Variants in FOCAD observed in about 807,000 individuals in gnomAD.
FOCAD encodes the protein KIAA1797.
In FOCAD, 198 loss-of-function variants were observed where a neutral mutation model predicts 225.6. The ratio of observed to expected loss-of-function variants is 0.88; its 90% CI spans 0.78 to 0.99. The LOEUF is 0.99. Ranked by LOEUF, FOCAD falls within the 50% of genes least tolerant of loss-of-function variation. The pLI, the probability that FOCAD is intolerant of heterozygous loss-of-function variation, is 0.00. For missense variants in FOCAD, 2,713 were observed against 2,123.6 expected (o/e 1.28, Z -5.46); for synonymous variants, 897 against 755.0 (o/e 1.19, Z -3.08).
chr9:20,784,045 A>G (rs1362985540), intron 10 of FOCAD, among the ~76,000 whole-genome samples: 1 of 152,210 alleles, frequency 6.6e-6, no homozygotes, highest in Non-Finnish European at 1.5e-5. Context: ...GAAGGAACTA[A>G]AAAGTCTCCC....
At chr9:20,830,404 G>A (rs985648543) in intron 15 of FOCAD, among the ~76,000 whole-genome samples, 1 of 151,884 alleles carries the variant, frequency 6.6e-6, no homozygotes, top group Non-Finnish European at 1.5e-5. Context: ...AAGATGTTAG[G>A]TTTTTAAAGC....
At chr9:20,947,601 A>G (rs1837300956) in intron 30 of FOCAD, among the ~76,000 whole-genome samples, 1 of 152,126 alleles carries the variant, frequency 6.6e-6, no homozygotes, top group Non-Finnish European at 1.5e-5. Context: ...GTATGAGTGT[A>G]CTTAATGCCG....
At chr9:20,904,384 C>G (rs578127360) in intron 21 of FOCAD, among the ~76,000 whole-genome samples, 1 of 151,908 alleles carries the variant, frequency 6.6e-6, no homozygotes, top group African/African-American at 2.4e-5. Flanking sequence ...CTAGCACTTA[C>G]TTTGGTCTTT....
chr9:20,981,765 G>T, intron 38 of FOCAD, 79 bp downstream of exon 38: 2 of 1,486,312 alleles, frequency 1.3e-6, no homozygotes, highest in Non-Finnish European at 9.1e-7. Context: ...GTGGGGAGGT[G>T]TATGTTTTAA....
chr9:20,913,105 C>A, intron 23 of FOCAD, 151 bp downstream of exon 23: 1 of 514,304 alleles, frequency 1.9e-6, no homozygotes, highest in Non-Finnish European at 3.5e-6. Flanking sequence ...AGGTGTATTC[C>A]CTAGATAGGA....
chr9:20,885,602 T>G (rs527809971), intron 21 of FOCAD: 2 of 153,106 alleles, frequency 1.3e-5, no homozygotes, highest in East Asian at 3.8e-4. Flanking sequence ...ATTTTGTGAG[T>G]GTTTGGAATT....
At chr9:20,774,424 T>A (rs897369229) in intron 8 of FOCAD, among the ~76,000 whole-genome samples, 3 of 152,198 alleles carry the variant, frequency 2.0e-5, no homozygotes, top group African/African-American at 7.2e-5. Flanking sequence ...AGTGGTAATG[T>A]TCTAATCCTA....
At chr9:20,828,373 T>C (rs367717039) in intron 15 of FOCAD, among the ~76,000 whole-genome samples, 2 of 152,084 alleles carry the variant, frequency 1.3e-5, no homozygotes, top group African/African-American at 4.8e-5. Context: ...TTTGGCTATT[T>C]TGAATAATGC....
At chr9:20,720,966 T>G (rs1825725277) in intron 4 of FOCAD, among the ~76,000 whole-genome samples, 1 of 152,182 alleles carries the variant, frequency 6.6e-6, no homozygotes. Context: ...TTCTCAAATA[T>G]TTTGTGATTT....
At chr9:20,800,730 A>T (rs1821716671) in intron 11 of FOCAD, among the ~76,000 whole-genome samples, 1 of 151,786 alleles carries the variant, frequency 6.6e-6, no homozygotes, top group Admixed American at 6.6e-5. Context: ...TGCTTTGGTT[A>T]TTCTGGTTAG....
intron 11 of FOCAD, among the ~76,000 whole-genome samples, chr9:20,791,538 T>G (rs1311440300): frequency 4.6e-5 from 7 of 152,232 alleles, no homozygotes; most frequent in African/African-American, 1.4e-4. Context: ...CTCTAGTATT[T>G]AGAACATTCA....
intron 10 of FOCAD, among the ~76,000 whole-genome samples, chr9:20,783,793 C>T (rs116357314): frequency 1.3e-5 from 2 of 152,216 alleles, no homozygotes; most frequent in South Asian, 4.1e-4. Context: ...CCTTGTTCTC[C>T]TCCACTCCCG....
intron 2 of FOCAD, among the ~76,000 whole-genome samples, chr9:20,668,264 A>C (rs982309350): frequency 6.6e-6 from 1 of 152,192 alleles, no homozygotes; most frequent in African/African-American, 2.4e-5. Context: ...CCCCAGAATT[A>C]TATGATCTTT....
At chr9:20,815,310 T>TTTC (rs1823610114) in intron 11 of FOCAD, among the ~76,000 whole-genome samples, 2 of 90,944 alleles carry the variant, frequency 2.2e-5, no homozygotes, top group Non-Finnish European at 5.6e-5. Context: ...ATTTTTGTAG[T>TTTC]TTTTTTTTTT....
chr9:20,674,353 AC>A (rs1195829374), intron 2 of FOCAD, among the ~76,000 whole-genome samples: 1 of 152,192 alleles, frequency 6.6e-6, no homozygotes, highest in Non-Finnish European at 1.5e-5. Flanking sequence ...ATGGAAATTG[AC>A]CATGTGGGAG....
intron 35 of FOCAD, among the ~76,000 whole-genome samples, chr9:20,965,727 C>G (rs573173059): frequency 1.3e-5 from 2 of 152,250 alleles, no homozygotes; most frequent in South Asian, 4.1e-4. Flanking sequence ...CAATAATTTG[C>G]TTTCTGTCTT....
intron 21 of FOCAD, among the ~76,000 whole-genome samples, chr9:20,899,771 C>G (rs889301209): frequency 2.6e-5 from 4 of 151,936 alleles, no homozygotes; most frequent in African/African-American, 9.7e-5. Flanking sequence ...ATTATATCCT[C>G]TTATTTTCAA....
At chr9:20,742,152 A>G (rs945057448) in intron 5 of FOCAD, among the ~76,000 whole-genome samples, 9 of 152,150 alleles carry the variant, frequency 5.9e-5, no homozygotes, top group African/African-American at 2.2e-4. Flanking sequence ...TTTTAGTTCA[A>G]TGCTTCCCAA....
intron 4 of FOCAD, among the ~76,000 whole-genome samples, chr9:20,729,060 A>G (rs144853899): frequency 3.9e-5 from 6 of 152,332 alleles, no homozygotes; most frequent in Middle Eastern, 3.4e-3. Context: ...CAGATTTCCA[A>G]TGGTGGGACC....
Sources: allele counts gnomAD v4.1 joint callset (sites outside exome capture counted in the v4.1 genomes callset), GRCh38; gene constraint gnomAD v4.1.1; transcripts MANE v1.5; gene names NCBI Gene and HGNC (gene_info 2026-07-23, HGNC 2026-07-21).